Variants in ZFAND6 observed in about 807,000 individuals in gnomAD.
ZFAND6 encodes the protein zinc finger AN1-type containing 6.
A neutral mutation model predicts 24.5 loss-of-function variants in ZFAND6; 12 were observed. The ratio of observed to expected loss-of-function variants is 0.49; its 90% CI spans 0.31 to 0.79. The LOEUF (loss-of-function observed/expected upper bound fraction) is 0.79, where lower values mean the gene tolerates loss of function less well. Ranked by LOEUF, ZFAND6 falls within the 30% of genes least tolerant of loss-of-function variation. The probability of loss-of-function intolerance (pLI) is 0.04; values close to 1 mark genes in which losing one functional copy is unlikely to be tolerated. For missense variants in ZFAND6, 207 were observed against 245.9 expected (o/e 0.84, Z 1.06); for synonymous variants, 92 against 81.5 (o/e 1.13, Z -0.69).
At chr15:80,126,964 T>TGTG (rs1320343600) in intron 5 of ZFAND6, among the ~76,000 whole-genome samples, 1 of 151,702 alleles carries the variant, frequency 6.6e-6, no homozygotes, top group African/African-American at 2.4e-5. Flanking sequence ...AATAGCCGAG[T>TGTG]GTGGTGGCGC....
chr15:80,104,476 A>G (rs60627833), intron 2 of ZFAND6, among the ~76,000 whole-genome samples: 5,154 of 152,180 alleles, frequency 0.034, 280 homozygotes, highest in East Asian at 0.22. Flanking sequence ...CCGAGATCGC[A>G]CCACTGCACT....
At chr15:80,067,431 C>A (rs2036710473) in intron 1 of ZFAND6, among the ~76,000 whole-genome samples, 1 of 152,160 alleles carries the variant, frequency 6.6e-6, no homozygotes, top group East Asian at 1.9e-4. Flanking sequence ...TTAGGTCTTT[C>A]TCTTGGCTTC....
At chr15:80,064,269 A>G (rs2036488180) in intron 1 of ZFAND6, among the ~76,000 whole-genome samples, 2 of 152,190 alleles carry the variant, frequency 1.3e-5, no homozygotes, top group South Asian at 4.1e-4. Context: ...TTTGTCCTTA[A>G]AAGTTTGACT....
At position 80,063,401 on chromosome 15, in the gene ZFAND6, AT is replaced by A. The variant is rs533900924; in HGVS notation, c.-181+3600del. Reference sequence around the variant, plus strand: ...AGACTAGCTACATTTCTTTTTTTGTATTTTTTTTGAGACAGAGTCTTGCTCT... The same window carrying A: ...AGACTAGCTACATTTCTTTTTTTGTATTTTTTTGAGACAGAGTCTTGCTCT... On this transcript the variant is annotated intron_variant, in intron 1 of 6. Transcript: ENST00000261749. Among the ~76,000 whole-genome samples the A allele has an allele frequency of 3.3e-4, 50 of 150,850 alleles. No homozygotes were observed. The South Asian group carries it at 9.4e-3, about 28-fold the overall frequency.
At chr15:80,073,390 C>A in intron 1 of ZFAND6, 1 of 256,286 alleles carries the variant, frequency 3.9e-6, no homozygotes, top group Non-Finnish European at 8.1e-6. Flanking sequence ...TTATTTATGA[C>A]GTAATTGTAG....
intron 2 of ZFAND6, among the ~76,000 whole-genome samples, chr15:80,119,489 C>T (rs377178863): frequency 6.6e-6 from 1 of 151,738 alleles, no homozygotes; most frequent in African/African-American, 2.4e-5. Context: ...CATATTGTGC[C>T]TTTTCATTTA....
intron 2 of ZFAND6, among the ~76,000 whole-genome samples, chr15:80,115,348 T>C (rs866987344): frequency 5.3e-5 from 8 of 152,208 alleles, no homozygotes; most frequent in African/African-American, 1.9e-4. Flanking sequence ...TATTATACCA[T>C]GCTAATCATT....
intron 5 of ZFAND6, among the ~76,000 whole-genome samples, chr15:80,123,878 C>T (rs918296966): frequency 1.3e-5 from 2 of 152,004 alleles, no homozygotes; most frequent in Admixed American, 6.6e-5. Context: ...CCCCCACACC[C>T]GGTCTCAAGA....
intron 1 of ZFAND6, among the ~76,000 whole-genome samples, chr15:80,065,722 T>G (rs2036595593): frequency 1.3e-5 from 2 of 151,686 alleles, no homozygotes; most frequent in Admixed American, 6.6e-5. Flanking sequence ...TTTTTGTGTT[T>G]TTAGTAGAGA....
chr15:80,135,329 C>T (rs548255204), intron 6 of ZFAND6, among the ~76,000 whole-genome samples: 2 of 152,108 alleles, frequency 1.3e-5, no homozygotes, highest in Non-Finnish European at 2.9e-5. Context: ...GGTTAATAAG[C>T]TATTAATAGC....
intron 1 of ZFAND6, among the ~76,000 whole-genome samples, chr15:80,090,352 C>G (rs184013975): frequency 3.9e-5 from 6 of 152,306 alleles, no homozygotes; most frequent in Admixed American, 2.6e-4. Flanking sequence ...GTCAGACTCT[C>G]TGGGTTCAAA....
chr15:80,113,497 A>T (rs1567084926), intron 2 of ZFAND6, among the ~76,000 whole-genome samples: 1 of 152,000 alleles, frequency 6.6e-6, no homozygotes, highest in Non-Finnish European at 1.5e-5. Context: ...TTTCGGGAGG[A>T]GGGAGAAAAA....
At chr15:80,079,808 G>A (rs897211851) in intron 1 of ZFAND6, among the ~76,000 whole-genome samples, 3 of 150,448 alleles carry the variant, frequency 2.0e-5, no homozygotes, top group African/African-American at 4.9e-5. Flanking sequence ...CCGCCACCAC[G>A]CCCAGCTAGC....
At chr15:80,121,887 A>G in intron 4 of ZFAND6, 67 bp downstream of exon 4, 8 of 1,325,762 alleles carry the variant, frequency 6.0e-6, no homozygotes, top group Non-Finnish European at 8.3e-6. Context: ...TCTGTGTTTG[A>G]TTAATAAGGA....
chr15:80,093,873 G>C (rs901800553), intron 1 of ZFAND6, among the ~76,000 whole-genome samples: 1 of 151,994 alleles, frequency 6.6e-6, no homozygotes, highest in Non-Finnish European at 1.5e-5. Context: ...TTTCGGGAAG[G>C]GTGCAGTAGA....
chr15:80,093,838 T>C (rs77820253), intron 1 of ZFAND6, among the ~76,000 whole-genome samples: 3,215 of 152,332 alleles, frequency 0.021, 44 homozygotes, highest in Non-Finnish European at 0.032. Flanking sequence ...AGAAGTCTTG[T>C]CTCTGTTCTT....
chr15:80,064,375 T>TC (rs1375423898), intron 1 of ZFAND6, among the ~76,000 whole-genome samples: 1 of 152,206 alleles, frequency 6.6e-6, no homozygotes, highest in African/African-American at 2.4e-5. Context: ...CCATCTACCC[T>TC]CCATCTTTCC....
chr15:80,102,092 G>A (rs1020821408), intron 2 of ZFAND6, among the ~76,000 whole-genome samples: 7 of 150,894 alleles, frequency 4.6e-5, no homozygotes, highest in East Asian at 3.9e-4. Flanking sequence ...CACCACGCCC[G>A]GCCATAAAGT....
chr15:80,131,152 A>C (rs1232442639), intron 5 of ZFAND6, 28 bp from the exon 6 acceptor site: 1 of 1,506,558 alleles, frequency 6.6e-7, no homozygotes, highest in Admixed American at 1.9e-5. Context: ...AGAATAATTA[A>C]ATTTTGCCAC....
Sources: gnomAD v4.1 joint callset for allele counts (sites outside exome capture counted in the v4.1 genomes callset) on GRCh38, gnomAD v4.1.1 for gene constraint, MANE v1.5 for transcripts, NCBI Gene and HGNC (gene_info 2026-07-23, HGNC 2026-07-21) for gene names.